The following WDR17 variants were observed in gnomAD, a reference collection of about 807,000 sequenced individuals.
WDR17 encodes the protein WD repeat-containing protein 17.
Under a neutral mutation model 161.7 loss-of-function variants are expected in WDR17, and 143 were observed. The observed-to-expected ratio is 0.88, with a 90% CI of 0.77 to 1.02. The LOEUF is 1.02. Ranked by LOEUF, WDR17 falls within the 50% of genes least tolerant of loss-of-function variation. The pLI is 0.00. For synonymous variants in WDR17, 517 were observed against 515.6 expected, an observed-to-expected ratio of 1.00 and a Z score of -0.04; for missense variants, 1,469 against 1,520.9, an observed-to-expected ratio of 0.97 and a Z score of 0.57.
intron 2 of WDR17, among the ~76,000 whole-genome samples, chr4:176,112,996 A>G (rs1561118477): frequency 6.6e-6 from 1 of 152,124 alleles, no homozygotes; most frequent in Non-Finnish European, 1.5e-5. Flanking sequence ...ATTTTCCACG[A>G]TATAGAGTAA....
chr4:176,166,102 C>T, intron 22 of WDR17: 1 of 1,108,090 alleles, frequency 9.0e-7, no homozygotes, highest in Non-Finnish European at 1.3e-6. Context: ...TCATGGTATT[C>T]ATATTTAATA....
At chr4:176,097,742 T>TACAC (rs35130339) in intron 1 of WDR17, among the ~76,000 whole-genome samples, 6,138 of 143,194 alleles carry the variant, frequency 0.043, 158 homozygotes, top group South Asian at 0.08. Context: ...CACACACACA[T>TACAC]ACACACACAC....
chr4:176,125,034 G>T, intron 4 of WDR17, 70 bp from the exon 5 acceptor site: 1 of 1,542,822 alleles, frequency 6.5e-7, no homozygotes, highest in Non-Finnish European at 8.8e-7. Flanking sequence ...CAAGGAAAAA[G>T]TTAGCATCAT....
chr4:176,127,097 G>A (rs1742570364), intron 5 of WDR17, among the ~76,000 whole-genome samples: 1 of 152,130 alleles, frequency 6.6e-6, no homozygotes, highest in Admixed American at 6.5e-5. Context: ...GAGAAAATAT[G>A]CATAGGTTAT....
intron 11 of WDR17, among the ~76,000 whole-genome samples, chr4:176,145,006 G>A (rs1315794986): frequency 6.6e-6 from 1 of 152,078 alleles, no homozygotes; most frequent in Non-Finnish European, 1.5e-5. Flanking sequence ...TTTGCAGATT[G>A]GCATGCCAGT....
At chr4:176,156,349 T>C (rs1748121386) in intron 18 of WDR17, among the ~76,000 whole-genome samples, 1 of 152,130 alleles carries the variant, frequency 6.6e-6, no homozygotes, top group Admixed American at 6.5e-5. Flanking sequence ...TGACCTCTGA[T>C]GAAGATAGCA....
intron 12 of WDR17, among the ~76,000 whole-genome samples, chr4:176,146,971 A>G (rs991315197): frequency 3.9e-5 from 6 of 151,904 alleles, no homozygotes; most frequent in South Asian, 2.1e-4. Flanking sequence ...GGTTCAAGCT[A>G]TTCTCCTGCT....
At chr4:176,067,900 T>C (rs1173375811) in intron 1 of WDR17, among the ~76,000 whole-genome samples, 7 of 152,220 alleles carry the variant, frequency 4.6e-5, no homozygotes, top group Non-Finnish European at 1.0e-4. Context: ...CCAACATGAA[T>C]GATTAGGTTG....
At chr4:176,166,377 C>T (rs1222947845) in intron 22 of WDR17, among the ~76,000 whole-genome samples, 1 of 152,092 alleles carries the variant, frequency 6.6e-6, no homozygotes, top group African/African-American at 2.4e-5. Context: ...AATAAATGAA[C>T]TGTGATTTCC....
rs1750375079 is a variant in WDR17 at position 176,169,431 on chromosome 4, G to A, written c.3102+648G>A. On this transcript the variant is annotated intron_variant, in intron 23 of 28. Transcript: ENST00000508596. ...TCTATTTTTATTGGCATGATACATG[G>A]CTATGAAACAGTTAAATAGAAAGCA... is the stretch of plus-strand genomic sequence containing the variant. Among the ~76,000 whole-genome samples the A allele has an allele frequency of 2.0e-5, 3 of 152,102 alleles. No homozygotes were observed. In the South Asian group the frequency reaches 6.2e-4, roughly 32 times the overall value.
intron 24 of WDR17, 70 bp from the exon 25 acceptor site, chr4:176,173,195 TAA>T: frequency 1.0e-6 from 1 of 997,768 alleles, no homozygotes; most frequent in Non-Finnish European, 1.5e-6. Context: ...ATTAATTATA[TAA>T]GTTAAAAATG....
intron 11 of WDR17, among the ~76,000 whole-genome samples, chr4:176,144,179 A>G (rs1193848988): frequency 2.0e-5 from 3 of 152,150 alleles, no homozygotes; most frequent in African/African-American, 7.2e-5. Flanking sequence ...GATAACTGCT[A>G]TCCATCCTTC....
chr4:176,142,288 T>A (rs1579171032), intron 11 of WDR17, among the ~76,000 whole-genome samples: 1 of 152,178 alleles, frequency 6.6e-6, no homozygotes, highest in African/African-American at 2.4e-5. Flanking sequence ...GATTTCCTAC[T>A]CTCAAAAAAA....
At chr4:176,171,870 T>C (rs1289519798) in intron 23 of WDR17, among the ~76,000 whole-genome samples, 1 of 152,178 alleles carries the variant, frequency 6.6e-6, no homozygotes, top group African/African-American at 2.4e-5. Flanking sequence ...ATGTCAAAGC[T>C]AAAAACTTTT....
Position 176,096,447 on chromosome 4 carries a change from A to G in WDR17, c.-6-15128A>G, listed in dbSNP as rs919863727. On this transcript the variant is annotated intron_variant, in intron 1 of 28. Coordinates refer to ENST00000508596, the MANE Select transcript of WDR17 (RefSeq NM_181265.4). ...GGTAAATCTTGTTTGGTTGAAACAC[A>G]TTGTTGTTACTTTAGGTGCTGACTA... 30 of 1,259,530 alleles carry G rather than the reference A, an allele frequency of 2.4e-5. No homozygotes were observed. The East Asian group carries it at 4.7e-4, about 20-fold the overall frequency. The allele number at this position is 1,259,530 out of a possible 1,614,324, so 78.0% of individuals were successfully genotyped here.
chr4:176,085,438 C>A (rs2126607857), intron 1 of WDR17, among the ~76,000 whole-genome samples: 1 of 152,114 alleles, frequency 6.6e-6, no homozygotes, highest in Middle Eastern at 3.4e-3. Context: ...CGATCTGGGC[C>A]TGGAAGGTTG....
chr4:176,140,001 T>C (rs772797570), intron 10 of WDR17, 27 bp downstream of exon 10: 107 of 1,547,342 alleles, frequency 6.9e-5, no homozygotes, highest in Middle Eastern at 1.7e-4. Flanking sequence ...ATACATGATA[T>C]GAAATTACAC....
intron 1 of WDR17, among the ~76,000 whole-genome samples, chr4:176,081,817 C>T (rs1734780677): frequency 6.6e-6 from 1 of 152,104 alleles, no homozygotes; most frequent in Non-Finnish European, 1.5e-5. Context: ...CACACCTAGG[C>T]CTCTAATTGT....
At chr4:176,107,723 A>T (rs541225212) in intron 1 of WDR17, among the ~76,000 whole-genome samples, 9 of 152,164 alleles carry the variant, frequency 5.9e-5, no homozygotes, top group African/African-American at 2.2e-4. Context: ...CTTGAGTTTT[A>T]GGAATTCTCC....
Sources: allele counts gnomAD v4.1 joint callset (sites outside exome capture counted in the v4.1 genomes callset), GRCh38; gene constraint gnomAD v4.1.1; transcripts MANE v1.5; gene names NCBI Gene and HGNC (gene_info 2026-07-23, HGNC 2026-07-21).